The following DGKB variants were observed in gnomAD, a reference collection of about 807,000 sequenced individuals.
DGKB encodes the protein 90 kDa diacylglycerol kinase.
In DGKB, 67 loss-of-function variants were observed where a neutral mutation model predicts 114.3. The ratio of observed to expected loss-of-function variants is 0.59; its 90% CI spans 0.48 to 0.72. The LOEUF is 0.72. DGKB is among the 30% of genes least tolerant of loss of function. DGKB has a pLI of 0.00. For synonymous variants in DGKB, 398 were observed against 323.1 expected, an observed-to-expected ratio of 1.23 and a Z score of -2.49; for missense variants, 907 against 975.2, an observed-to-expected ratio of 0.93 and a Z score of 0.93.
At chr7:14,165,737 C>G (rs1584176249) in intron 25 of DGKB, among the ~76,000 whole-genome samples, 1 of 152,042 alleles carries the variant, frequency 6.6e-6, no homozygotes, top group Non-Finnish European at 1.5e-5. Flanking sequence ...TCGAATGGGC[C>G]TTTGAAAGGA....
chr7:14,305,435 A>T (rs543545141), intron 23 of DGKB, among the ~76,000 whole-genome samples: 69 of 152,198 alleles, frequency 4.5e-4, no homozygotes, highest in Non-Finnish European at 7.9e-4. Context: ...TAAAGGTCTA[A>T]CACCTAGTGG....
At chr7:14,797,307 A>G (rs569328406) in intron 2 of DGKB, among the ~76,000 whole-genome samples, 5 of 152,280 alleles carry the variant, frequency 3.3e-5, no homozygotes, top group South Asian at 2.1e-4. Context: ...AAGGACCCCA[A>G]TGCACTTCCA....
chr7:14,383,609 GC>G (rs1819838967), intron 21 of DGKB, among the ~76,000 whole-genome samples: 1 of 152,150 alleles, frequency 6.6e-6, no homozygotes, highest in South Asian at 2.1e-4. Flanking sequence ...TTTTGCTCCA[GC>G]CCGCGTATCA....
At chr7:14,388,251 G>A (rs1468943059) in intron 21 of DGKB, among the ~76,000 whole-genome samples, 2 of 110,620 alleles carry the variant, frequency 1.8e-5, no homozygotes, top group Non-Finnish European at 4.3e-5. Context: ...AAATGATCCT[G>A]AAATAATGTG....
intron 1 of DGKB, among the ~76,000 whole-genome samples, chr7:14,952,866 A>G (rs1562899733): frequency 6.6e-6 from 1 of 152,156 alleles, no homozygotes; most frequent in East Asian, 1.9e-4. Context: ...GCATGAGGAT[A>G]TTATATAAAT....
intron 1 of DGKB, among the ~76,000 whole-genome samples, chr7:14,854,562 G>A (rs1849851982): frequency 1.3e-5 from 2 of 152,156 alleles, no homozygotes; most frequent in African/African-American, 4.8e-5. Context: ...CACATACACA[G>A]TTCACAGTAG....
chr7:14,156,036 C>A (rs13438266), intron 25 of DGKB, among the ~76,000 whole-genome samples: 9,790 of 152,052 alleles, frequency 0.064, 547 homozygotes, highest in African/African-American at 0.15. Flanking sequence ...GGGAATGCTG[C>A]CATTTAAGAG....
intron 2 of DGKB, among the ~76,000 whole-genome samples, chr7:14,770,107 C>A (rs913983582): frequency 6.6e-6 from 1 of 151,966 alleles, no homozygotes; most frequent in African/African-American, 2.4e-5. Context: ...GATGCATAGC[C>A]CTAAAATCCT....
intron 7 of DGKB, among the ~76,000 whole-genome samples, chr7:14,701,151 T>A (rs1825099864): frequency 6.6e-6 from 1 of 152,154 alleles, no homozygotes; most frequent in African/African-American, 2.4e-5. Flanking sequence ...AAATGAATAT[T>A]AAACTGGATG....
intron 23 of DGKB, among the ~76,000 whole-genome samples, chr7:14,229,907 A>G (rs1216811736): frequency 1.3e-5 from 2 of 152,038 alleles, no homozygotes; most frequent in Non-Finnish European, 2.9e-5. Context: ...ATTAATAACA[A>G]TAATGCAAAA....
intron 2 of DGKB, among the ~76,000 whole-genome samples, chr7:14,807,150 A>T (rs1237121860): frequency 6.6e-6 from 1 of 151,956 alleles, no homozygotes; most frequent in African/African-American, 2.4e-5. Flanking sequence ...AAGTCTATAA[A>T]TTCCCTCCGT....
intron 2 of DGKB, among the ~76,000 whole-genome samples, chr7:14,831,420 A>T (rs183282124): frequency 2.0e-5 from 3 of 152,122 alleles, no homozygotes; most frequent in African/African-American, 7.2e-5. Flanking sequence ...ATGTTTTTGT[A>T]GTGGACAACC....
intron 4 of DGKB, among the ~76,000 whole-genome samples, chr7:14,753,006 G>T (rs1435904568): frequency 2.0e-5 from 3 of 152,134 alleles, no homozygotes; most frequent in African/African-American, 7.2e-5. Context: ...AGTAAATCTC[G>T]CCACAGTCAA....
At chr7:14,527,721 G>T (rs12699632) in intron 20 of DGKB, among the ~76,000 whole-genome samples, 64,399 of 151,782 alleles carry the variant, frequency 0.42, 14,630 homozygotes, top group East Asian at 0.72. Flanking sequence ...TAATGAAATA[G>T]AATTATAATG....
chr7:14,678,485 G>A (rs1820267760), intron 12 of DGKB, among the ~76,000 whole-genome samples: 1 of 151,978 alleles, frequency 6.6e-6, no homozygotes, highest in Non-Finnish European at 1.5e-5. Flanking sequence ...GGGAAACATG[G>A]CCTCCCCAAG....
intron 2 of DGKB, among the ~76,000 whole-genome samples, chr7:14,777,142 A>G (rs1344910138): frequency 6.6e-6 from 1 of 152,040 alleles, no homozygotes; most frequent in Non-Finnish European, 1.5e-5. Flanking sequence ...TATTTGGAAG[A>G]CGTGTTTTTA....
At chr7:14,170,151 A>T (rs1427596885) in intron 25 of DGKB, among the ~76,000 whole-genome samples, 2 of 68,404 alleles carry the variant, frequency 2.9e-5, no homozygotes, top group Non-Finnish European at 5.2e-5. Flanking sequence ...AAAAAAAAGA[A>T]AGAAAGAAAG....
At chr7:14,335,305 G>C (rs986536963) in intron 23 of DGKB, among the ~76,000 whole-genome samples, 11 of 150,700 alleles carry the variant, frequency 7.3e-5, no homozygotes, top group African/African-American at 2.4e-4. Context: ...AAAATAAAAG[G>C]GTAAACTTAA....
At chr7:14,768,081 G>A (rs924539585) in intron 2 of DGKB, among the ~76,000 whole-genome samples, 30 of 151,902 alleles carry the variant, frequency 2.0e-4, no homozygotes, top group African/African-American at 7.0e-4. Flanking sequence ...TTTATCCTGT[G>A]AGCATATACA....
Sources: gnomAD v4.1 joint callset for allele counts (sites outside exome capture counted in the v4.1 genomes callset) on GRCh38, gnomAD v4.1.1 for gene constraint, MANE v1.5 for transcripts, NCBI Gene and HGNC (gene_info 2026-07-23, HGNC 2026-07-21) for gene names.